The following LHFPL7 variants were observed in gnomAD, a reference collection of about 807,000 sequenced individuals.
LHFPL7 encodes the protein LHFPL tetraspan subfamily member 7, also known as LHFPL tetraspan subfamily member 7 protein.
At chr22:24,939,958 T>C in the LHFPL7 span, among the ~76,000 whole-genome samples, 1 of 143,826 alleles carries the variant, frequency 7.0e-6, no homozygotes, top group African/African-American at 2.6e-5. Context: ...GACAGATTAT[T>C]GCTCTGTCGC....
chr22:24,945,024 G>T, the LHFPL7 span, among the ~76,000 whole-genome samples: 1 of 152,080 alleles, frequency 6.6e-6, no homozygotes, highest in Non-Finnish European at 1.5e-5. Context: ...TGGCTAGGCT[G>T]GTGTCGATCT....
At chr22:24,940,666 C>CTTCT in the LHFPL7 span, among the ~76,000 whole-genome samples, 1 of 131,156 alleles carries the variant, frequency 7.6e-6, no homozygotes, top group Admixed American at 7.7e-5. Flanking sequence ...TCCTTCCTTC[C>CTTCT]TTCCTTCCCT....
chr22:24,938,997 C>G, the LHFPL7 span, among the ~76,000 whole-genome samples: 3 of 152,202 alleles, frequency 2.0e-5, no homozygotes, highest in Non-Finnish European at 2.9e-5. Flanking sequence ...TCCTAATTTG[C>G]ACGAAGGTGC....
chr22:24,938,506 C>T, the LHFPL7 span, among the ~76,000 whole-genome samples: 1 of 152,138 alleles, frequency 6.6e-6, no homozygotes, highest in Non-Finnish European at 1.5e-5. Flanking sequence ...AGAAACTGTC[C>T]AAGAAAATAA....
chr22:24,943,569 A>G, the LHFPL7 span, among the ~76,000 whole-genome samples: 1 of 152,138 alleles, frequency 6.6e-6, no homozygotes, highest in Non-Finnish European at 1.5e-5. Context: ...GATAGATACT[A>G]TTATAGATAA....
the LHFPL7 span, among the ~76,000 whole-genome samples, chr22:24,936,189 T>C: frequency 6.6e-6 from 1 of 152,008 alleles, no homozygotes; most frequent in East Asian, 1.9e-4. Context: ...CCACTTATTC[T>C]CTCCATCCCT....
At chr22:24,938,589 G>C in the LHFPL7 span, among the ~76,000 whole-genome samples, 4 of 152,356 alleles carry the variant, frequency 2.6e-5, no homozygotes, top group South Asian at 4.1e-4. Context: ...GGTAGAGCCA[G>C]AATGAAGATC....
chr22:24,944,584 T>C, the LHFPL7 span, among the ~76,000 whole-genome samples: 1 of 152,072 alleles, frequency 6.6e-6, no homozygotes, highest in Non-Finnish European at 1.5e-5. Context: ...GATAAGGTCT[T>C]GCTCTGTTGC....
chr22:24,937,024 C>T, the LHFPL7 span, among the ~76,000 whole-genome samples: 1 of 152,098 alleles, frequency 6.6e-6, no homozygotes, highest in Non-Finnish European at 1.5e-5. Context: ...GTATGAAGCA[C>T]TGTGCTAGGG....
chr22:24,942,845 C>A, the LHFPL7 span, among the ~76,000 whole-genome samples: 2 of 151,738 alleles, frequency 1.3e-5, no homozygotes, highest in African/African-American at 4.9e-5. Context: ...GGCCTCACCT[C>A]TCTGGAAAAT....
chr22:24,935,308 C>T, the LHFPL7 span: 2 of 1,601,144 alleles, frequency 1.2e-6, no homozygotes, highest in Non-Finnish European at 1.7e-6. Flanking sequence ...TGGAGTGTGC[C>T]CTTTGTGCTA....
At chr22:24,943,515 T>C in the LHFPL7 span, among the ~76,000 whole-genome samples, 1 of 152,200 alleles carries the variant, frequency 6.6e-6, no homozygotes, top group Non-Finnish European at 1.5e-5. Context: ...AGCACTTGCA[T>C]AGGTAAGCAC....
the LHFPL7 span, among the ~76,000 whole-genome samples, chr22:24,944,960 C>T: frequency 5.9e-5 from 9 of 152,026 alleles, no homozygotes; most frequent in African/African-American, 2.2e-4. Context: ...CAGATGCGCA[C>T]CACCACGCCC....
At chr22:24,935,197 A>G in the LHFPL7 span, 1 of 1,200,188 alleles carries the variant, frequency 8.3e-7, no homozygotes. Context: ...TCCAGAAGAA[A>G]AAACTGTTCC....
At chr22:24,943,700 T>G in the LHFPL7 span, among the ~76,000 whole-genome samples, 3 of 152,102 alleles carry the variant, frequency 2.0e-5, no homozygotes, top group African/African-American at 7.2e-5. Context: ...AAAGTGATAT[T>G]AAGGATTTAA....
chr22:24,944,780 C>T, the LHFPL7 span, among the ~76,000 whole-genome samples: 1 of 151,454 alleles, frequency 6.6e-6, no homozygotes, highest in Non-Finnish European at 1.5e-5. Context: ...TGAGGTCTCT[C>T]TATGTTGCCC....
At chr22:24,940,855 C>T in the LHFPL7 span, among the ~76,000 whole-genome samples, 2 of 151,160 alleles carry the variant, frequency 1.3e-5, no homozygotes, top group Non-Finnish European at 2.9e-5. Flanking sequence ...CCACCTCAAA[C>T]TCCTGGGTTC....
chr22:24,942,116 C>T, the LHFPL7 span, among the ~76,000 whole-genome samples: 1 of 152,032 alleles, frequency 6.6e-6, no homozygotes, highest in African/African-American at 2.4e-5. Flanking sequence ...CTGCCTCAGC[C>T]TCCCGAGTAG....
At chr22:24,944,383 C>T in the LHFPL7 span, among the ~76,000 whole-genome samples, 1 of 152,054 alleles carries the variant, frequency 6.6e-6, no homozygotes, top group African/African-American at 2.4e-5. Context: ...AGAAGGTGAC[C>T]TTTGAGCTGA....
Sources: allele counts gnomAD v4.1 joint callset (sites outside exome capture counted in the v4.1 genomes callset), GRCh38; gene constraint gnomAD v4.1.1; transcripts MANE v1.5; gene names NCBI Gene and HGNC (gene_info 2026-07-23, HGNC 2026-07-21).